CAPS2: variants seen among roughly 807,000 people sequenced by gnomAD.
CAPS2 encodes the protein calcyphosin-2.
CAPS2 carries 98 observed loss-of-function variants against 86.5 expected under a neutral mutation model. The ratio of observed to expected loss-of-function variants is 1.13; its 90% CI spans 0.96 to 1.34. The LOEUF (loss-of-function observed/expected upper bound fraction) is 1.34, where lower values mean the gene tolerates loss of function less well. Ranked by LOEUF, CAPS2 falls within the 40% of genes most tolerant of loss-of-function variation. CAPS2 has a pLI of 0.00. For missense variants in CAPS2, 729 were observed against 686.8 expected, an observed-to-expected ratio of 1.06 and a Z score of -0.69; for synonymous variants, 210 against 225.1, an observed-to-expected ratio of 0.93 and a Z score of 0.60.
intron 1 of CAPS2, among the ~76,000 whole-genome samples, chr12:75,386,896 C>T (rs1433635363): frequency 1.3e-5 from 2 of 152,040 alleles, no homozygotes; most frequent in African/African-American, 4.8e-5. Context: ...ACTTTATACC[C>T]TTCACAAAAA....
At chr12:75,361,960 C>T (rs956623171) in intron 1 of CAPS2, among the ~76,000 whole-genome samples, 10 of 152,034 alleles carry the variant, frequency 6.6e-5, no homozygotes, top group East Asian at 3.9e-4. Context: ...AAAACCTCTA[C>T]GACCTTTAGA....
At chr12:75,312,902 G>T in exon 7 of CAPS2, 1 of 1,604,836 alleles carries the variant, frequency 6.2e-7, no homozygotes, top group Non-Finnish European at 8.5e-7. Context: ...CTTCTTCTCT[G>T]CAGCCACAAT....
At chr12:75,374,908 T>C (rs562622601) in intron 1 of CAPS2, among the ~76,000 whole-genome samples, 57 of 152,312 alleles carry the variant, frequency 3.7e-4, no homozygotes, top group African/African-American at 1.3e-3. Context: ...AAGCCTAGGA[T>C]AATTCACTGT....
chr12:75,318,006 C>T (rs535772636), intron 5 of CAPS2: 1 of 152,070 alleles, frequency 6.6e-6, no homozygotes, highest in African/African-American at 2.4e-5. Flanking sequence ...AACCCCTCCC[C>T]CCGAGTCCCT....
At position 75,316,703 on chromosome 12, in the gene CAPS2, A is replaced by G. The variant is rs1225458002; in HGVS notation, c.469-269T>C. On this transcript the variant is annotated intron_variant, in intron 5 of 16. Coordinates refer to ENST00000393284, the Ensembl canonical transcript of CAPS2. ...CCAGAAACAAAAAGGATTAAGAGAT[A>G]TACATGTCCAACACTTTATAAAAAC... Among the ~76,000 whole-genome samples, 3 of 152,294 alleles carry G rather than the reference A, an allele frequency of 2.0e-5. No homozygotes were observed. The East Asian group carries it at 5.8e-4, about 29-fold the overall frequency.
At chr12:75,375,137 C>A (rs1307228217) in intron 1 of CAPS2, among the ~76,000 whole-genome samples, 1 of 152,166 alleles carries the variant, frequency 6.6e-6, no homozygotes. Context: ...ATAGCCCTCA[C>A]CCTATTGGTC....
intron 8 of CAPS2, among the ~76,000 whole-genome samples, chr12:75,300,858 G>A (rs2037728500): frequency 6.6e-6 from 1 of 152,128 alleles, no homozygotes; most frequent in Non-Finnish European, 1.5e-5. Flanking sequence ...CTACCTCCAA[G>A]CAGCTAACTA....
At chr12:75,377,594 C>A (rs530077420) in intron 1 of CAPS2, among the ~76,000 whole-genome samples, 20 of 152,244 alleles carry the variant, frequency 1.3e-4, no homozygotes, top group African/African-American at 4.8e-4. Flanking sequence ...AAGCACCCAG[C>A]ACAGGAGAAA....
chr12:75,287,440 A>G (rs2035088815), intron 14 of CAPS2, among the ~76,000 whole-genome samples: 1 of 152,114 alleles, frequency 6.6e-6, no homozygotes, highest in East Asian at 1.9e-4. Flanking sequence ...GAGGCCAAGA[A>G]GAGTCAGAAC....
upstream of CAPS2, chr12:75,334,002 TA>T (rs2041531524): frequency 6.6e-6 from 1 of 152,200 alleles, no homozygotes; most frequent in African/African-American, 2.4e-5. Context: ...GTGTATCAAT[TA>T]AAGCAACTCT....
chr12:75,324,858 C>A (rs2040619674), intron 2 of CAPS2, among the ~76,000 whole-genome samples: 1 of 151,906 alleles, frequency 6.6e-6, no homozygotes, highest in Non-Finnish European at 1.5e-5. Context: ...TCATACTCCT[C>A]AAAATTAAAG....
chr12:75,287,902 T>C (rs1238861495), intron 14 of CAPS2, among the ~76,000 whole-genome samples: 3 of 152,226 alleles, frequency 2.0e-5, no homozygotes, highest in African/African-American at 7.2e-5. Flanking sequence ...GAAGGGGTTG[T>C]CTTGTAGAAC....
chr12:75,343,706 GT>G, intron 1 of CAPS2: 3 of 1,607,876 alleles, frequency 1.9e-6, no homozygotes, highest in Non-Finnish European at 2.6e-6. Flanking sequence ...TGGGATAAAG[GT>G]TTAGCAAAGA....
chr12:75,333,825 A>G (rs2041514332), upstream of CAPS2: 1 of 152,226 alleles, frequency 6.6e-6, no homozygotes. Flanking sequence ...TATTTGAAAC[A>G]TAGAAATACT....
upstream of CAPS2, chr12:75,334,704 T>A: frequency 1.9e-6 from 3 of 1,602,802 alleles, no homozygotes; most frequent in Non-Finnish European, 2.6e-6. Context: ...AGTCAGGGCA[T>A]CCTCCGCATC....
chr12:75,335,912 T>A (rs1351096899), intron 1 of CAPS2, among the ~76,000 whole-genome samples: 1 of 152,000 alleles, frequency 6.6e-6, no homozygotes, highest in Non-Finnish European at 1.5e-5. Context: ...AGAGTTTTAT[T>A]GTAAATGTAT....
chr12:75,315,214 T>C (rs2039632750), intron 6 of CAPS2, among the ~76,000 whole-genome samples: 1 of 152,198 alleles, frequency 6.6e-6, no homozygotes, highest in African/African-American at 2.4e-5. Flanking sequence ...AACATCCAGA[T>C]TGCTTTGAAT....
At chr12:75,278,990 A>C (rs138342584) in exon 17 of CAPS2, 587 of 1,610,738 alleles carry the variant, frequency 3.6e-4, no homozygotes, top group Non-Finnish European at 4.6e-4. Flanking sequence ...ACCATATGAC[A>C]CTTCATCAGA....
chr12:75,282,537 C>A (rs906834485), intron 15 of CAPS2, among the ~76,000 whole-genome samples, 190 bp from the exon 16 acceptor site: 3 of 152,124 alleles, frequency 2.0e-5, no homozygotes, highest in Non-Finnish European at 4.4e-5. Context: ...CAGGCGCCCG[C>A]CACCACACCT....
Sources: gnomAD v4.1 joint callset for allele counts (sites outside exome capture counted in the v4.1 genomes callset) on GRCh38, gnomAD v4.1.1 for gene constraint, MANE v1.5 for transcripts, NCBI Gene and HGNC (gene_info 2026-07-23, HGNC 2026-07-21) for gene names.